Variants in RCOR1 observed in about 807,000 individuals in gnomAD.
RCOR1 encodes the protein REST corepressor 1.
Under a neutral mutation model 64.0 loss-of-function variants are expected in RCOR1, and 12 were observed. The ratio of observed to expected loss-of-function variants is 0.19; its 90% CI spans 0.12 to 0.30. The LOEUF is 0.30. RCOR1 is among the 10% of genes least tolerant of loss of function. The probability of loss-of-function intolerance (pLI) is 1.00; values close to 1 mark genes in which losing one functional copy is unlikely to be tolerated. For missense variants in RCOR1, 502 were observed against 621.2 expected, an observed-to-expected ratio of 0.81 and a Z score of 2.04; for synonymous variants, 279 against 227.2, an observed-to-expected ratio of 1.23 and a Z score of -2.05.
intron 2 of RCOR1, among the ~76,000 whole-genome samples, chr14:102,604,687 A>G (rs1191987818): frequency 6.6e-6 from 1 of 152,144 alleles, no homozygotes; most frequent in Non-Finnish European, 1.5e-5. Flanking sequence ...GATCAACAAG[A>G]TAGACTGTTA....
chr14:102,596,338 G>A (rs1487916238), intron 2 of RCOR1, among the ~76,000 whole-genome samples: 1 of 152,072 alleles, frequency 6.6e-6, no homozygotes, highest in African/African-American at 2.4e-5. Flanking sequence ...CCTGAACGCA[G>A]GTGATCCACC....
rs57847726 is a variant in RCOR1, at chr14:102,655,951, TCACACACACACACACACACA to T, written c.362-25926_362-25907del. ...CTGGGCAACAGAGTGAGACTTTTTG[TCACACACACACACACACACA>T]CACACACACACACACACGTGAAATA... is the stretch of plus-strand genomic sequence containing the variant. On this transcript the variant is annotated intron_variant, in intron 2 of 11. Transcript: ENST00000262241. 423 of 872,702 alleles carry T rather than the reference TCACACACACACACACACACA, an allele frequency of 4.8e-4. 1 individual carries two copies. Among genetic ancestry groups the T allele is most frequent in the Non-Finnish European group, 5.5e-4 (406 of 735,362 alleles). The allele number at this position is 872,702 out of a possible 1,614,324, so 54.1% of individuals were successfully genotyped here. A position where few individuals can be genotyped will look rare whatever the true frequency, so the allele number is the denominator to read the frequency against.
In RCOR1 at chr14:102,657,925, TGAAA is replaced by T. The variant is rs1894758931; in HGVS notation, c.362-23967_362-23964del. ...CATTATATTGCCTCTCTGAAACAAG[TGAAA>T]GAGTTTTCTTTATGAGGGGTGTTCT... On this transcript the variant is annotated intron_variant, in intron 2 of 11. Transcript: ENST00000262241. 1.9e-5 allele frequency: 19 copies of T among 984,628 alleles called. No individual in the cohort carries two copies. In the South Asian group the frequency reaches 7.5e-4, roughly 39 times the overall value. The allele number at this position is 984,628 out of a possible 1,614,324, so 61.0% of individuals were successfully genotyped here.
chr14:102,596,405 C>A (rs892088368), intron 2 of RCOR1, among the ~76,000 whole-genome samples: 4 of 152,048 alleles, frequency 2.6e-5, no homozygotes, highest in African/African-American at 4.8e-5. Context: ...GCCCAGCCAA[C>A]TGATGTTTGT....
chr14:102,620,632 A>G (rs188866953), intron 2 of RCOR1, among the ~76,000 whole-genome samples: 27 of 152,266 alleles, frequency 1.8e-4, no homozygotes, highest in Non-Finnish European at 3.1e-4. Context: ...TGAGCTAGGA[A>G]GATTGCTTGA....
At chr14:102,631,903 C>T (rs1309072735) in intron 2 of RCOR1, among the ~76,000 whole-genome samples, 3 of 151,826 alleles carry the variant, frequency 2.0e-5, no homozygotes, top group East Asian at 1.9e-4. Context: ...AGGGTTCAAG[C>T]GATTCTCCTG....
intron 2 of RCOR1, among the ~76,000 whole-genome samples, chr14:102,619,104 ATCTG>A (rs71119723): frequency 6.5e-4 from 98 of 151,526 alleles, no homozygotes; most frequent in Admixed American, 1.1e-3. Flanking sequence ...TAGCTAAAGG[ATCTG>A]TCTGTCTGTC....
rs1015142377 is a variant in RCOR1, at chr14:102,728,787, C to T, written c.*2281C>T. On this transcript the variant is annotated 3_prime_UTR_variant, in exon 12 of 12. Coordinates refer to ENST00000262241, the MANE Select transcript of RCOR1 (RefSeq NM_015156.4). ...CAGCAGCTGACCTGGGCTTTCTCCC[C>T]GAGAGGAAGGGGCATGTCATTTTTA... 6 of 152,086 alleles carry T rather than the reference C, an allele frequency of 3.9e-5. No homozygotes were observed. Among genetic ancestry groups the T allele is most frequent in the Non-Finnish European group, 5.9e-5 (4 of 68,010 alleles). 9.4% of individuals were successfully genotyped at this position (152,086 alleles called of 1,614,324 possible).
rs185453502 is a variant in RCOR1 at position 102,669,312 on chromosome 14, A to G, written c.362-12583A>G. Among the ~76,000 whole-genome samples the G allele has an allele frequency of 9.5e-3, 1,438 of 151,610 alleles. 7 individuals carry two copies. The highest frequency in any genetic ancestry group is 0.014 in the Non-Finnish European group (978 of 67,858). On this transcript the variant is annotated intron_variant, in intron 2 of 11. Coordinates refer to ENST00000262241, the MANE Select transcript of RCOR1 (RefSeq NM_015156.4). ...CAACAAGAGTGAAACTCGGTCTGAAAAAAAAAAAAAAGAGAAAAGAAAAGA... is the reference window on the plus strand; with the variant it reads ...CAACAAGAGTGAAACTCGGTCTGAAGAAAAAAAAAAAGAGAAAAGAAAAGA...
intron 2 of RCOR1, among the ~76,000 whole-genome samples, chr14:102,608,032 G>T (rs1317064578): frequency 6.6e-6 from 1 of 152,126 alleles, no homozygotes; most frequent in South Asian, 2.1e-4. Context: ...CTCAAGCCCG[G>T]GCGAAACAGA....
At chr14:102,622,029 A>G in intron 2 of RCOR1, among the ~76,000 whole-genome samples, 1 of 152,138 alleles carries the variant, frequency 6.6e-6, no homozygotes, top group East Asian at 1.9e-4. Context: ...AAATTGTCCT[A>G]CCCCTAACTG....
chr14:102,598,070 C>T (rs1433748319), intron 2 of RCOR1, among the ~76,000 whole-genome samples: 1 of 152,192 alleles, frequency 6.6e-6, no homozygotes, highest in African/African-American at 2.4e-5. Flanking sequence ...GATTTGCCTG[C>T]CTTGGCCTCC....
At position 102,729,131 on chromosome 14, in the gene RCOR1, CTAAGTA is replaced by C. The variant is rs1434670407; in HGVS notation, c.*2631_*2636del. On this transcript the variant is annotated 3_prime_UTR_variant, in exon 12 of 12. Coordinates refer to ENST00000262241, the MANE Select transcript of RCOR1 (RefSeq NM_015156.4). Reference sequence around the variant, plus strand: ...ATATATTTTTGTGGAAAATTTTCTCCTAAGTATAAGTTATTGTGCAAAATATAGTGT... The same window carrying C: ...ATATATTTTTGTGGAAAATTTTCTCCTAAGTTATTGTGCAAAATATAGTGT... The C allele has an allele frequency of 8.5e-5, 13 of 152,490 alleles. No individual in the cohort carries two copies. The highest frequency in any genetic ancestry group is 2.1e-4 in the South Asian group (1 of 4,832). The allele number at this position is 152,490 out of a possible 1,614,324, so 9.4% of individuals were successfully genotyped here.
intron 2 of RCOR1, among the ~76,000 whole-genome samples, chr14:102,623,980 T>G (rs1349442406): frequency 8.1e-6 from 1 of 122,970 alleles, no homozygotes; most frequent in African/African-American, 3.2e-5. Flanking sequence ...GATCATGAGG[T>G]GAGGAGATCG....
At chr14:102,684,203 T>A (rs1488801393) in intron 3 of RCOR1, among the ~76,000 whole-genome samples, 2 of 152,150 alleles carry the variant, frequency 1.3e-5, no homozygotes, top group Non-Finnish European at 2.9e-5. Context: ...CCCGTGGAAA[T>A]GACCTGTCAG....
intron 2 of RCOR1, among the ~76,000 whole-genome samples, chr14:102,621,367 C>CTTTTTTTTTTTT (rs35481023): frequency 1.1e-4 from 9 of 78,514 alleles, no homozygotes; most frequent in African/African-American, 4.6e-4. Context: ...CAGTCTTTGT[C>CTTTTTTTTTTTT]TTTTTTTTTT....
chr14:102,650,120 C>T (rs895426702), intron 2 of RCOR1, among the ~76,000 whole-genome samples: 6 of 150,860 alleles, frequency 4.0e-5, no homozygotes, highest in Admixed American at 1.3e-4. Flanking sequence ...ATGGTGTGAA[C>T]CTGGGAGGTG....
At chr14:102,707,728 A>C (rs1895883040) in intron 5 of RCOR1, among the ~76,000 whole-genome samples, 1 of 151,956 alleles carries the variant, frequency 6.6e-6, no homozygotes, top group African/African-American at 2.4e-5. Flanking sequence ...GTCGTCTGTG[A>C]CTGGACCCTC....
chr14:102,669,469 A>G (rs1894987383), intron 2 of RCOR1, among the ~76,000 whole-genome samples: 2 of 152,152 alleles, frequency 1.3e-5, no homozygotes, highest in Admixed American at 6.5e-5. Flanking sequence ...TGGGGAGGAA[A>G]AATGTTCTTT....
Sources: gnomAD v4.1 joint callset for allele counts (sites outside exome capture counted in the v4.1 genomes callset) on GRCh38, gnomAD v4.1.1 for gene constraint, MANE v1.5 for transcripts, NCBI Gene and HGNC (gene_info 2026-07-23, HGNC 2026-07-21) for gene names.